The following GABRR3 variants were observed in gnomAD, a reference collection of about 807,000 sequenced individuals.
The protein encoded by GABRR3 is gamma-aminobutyric acid type A receptor subunit rho3.
GABRR3 carries 29 observed loss-of-function variants against 43.2 expected under a neutral mutation model. That is an observed-to-expected ratio of 0.67 (90% CI 0.50 to 0.92). The LOEUF (loss-of-function observed/expected upper bound fraction) is 0.92. GABRR3 is among the 40% of genes least tolerant of loss of function. The pLI is 0.00. For missense variants in GABRR3, 576 were observed against 572.3 expected (o/e 1.01, Z -0.07); for synonymous variants, 206 against 195.9 (o/e 1.05, Z -0.43).
chr3:98,002,572 C>A (rs546114414), intron 7 of GABRR3, among the ~76,000 whole-genome samples: 4 of 152,068 alleles, frequency 2.6e-5, no homozygotes, highest in African/African-American at 9.7e-5. Flanking sequence ...ATACCTTATC[C>A]TTGTTTTTCT....
intron 9 of GABRR3, among the ~76,000 whole-genome samples, chr3:97,990,699 A>G (rs1205385137): frequency 1.3e-5 from 2 of 152,156 alleles, no homozygotes; most frequent in African/African-American, 4.8e-5. Flanking sequence ...CAAAGATATG[A>G]ATGGCAAATA....
chr3:98,035,152 A>C, intron 1 of GABRR3, 38 bp downstream of exon 1: 1 of 776,348 alleles, frequency 1.3e-6, no homozygotes, highest in Non-Finnish European at 1.9e-6. Flanking sequence ...GTTTTAGCAG[A>C]TTAAATTGAC....
At chr3:97,998,825 T>G (rs1213150097) in intron 8 of GABRR3, 1 of 152,200 alleles carries the variant, frequency 6.6e-6, no homozygotes, top group Non-Finnish European at 1.5e-5. Context: ...ATAATTATGC[T>G]TCATACAATG....
intron 8 of GABRR3, 78 bp downstream of exon 8, chr3:98,001,537 C>T (rs1330488550): frequency 6.8e-6 from 10 of 1,470,590 alleles, no homozygotes; most frequent in Non-Finnish European, 8.5e-6. Context: ...CTTTTCCTCT[C>T]CATGTATGAC....
intron 7 of GABRR3, among the ~76,000 whole-genome samples, chr3:98,005,210 A>AAC (rs60490447): frequency 0.19 from 27,508 of 147,872 alleles, 2,751 homozygotes; most frequent in East Asian, 0.44. Flanking sequence ...CTAGGCTTTT[A>AAC]ACACACACAC....
At chr3:98,011,705 A>G (rs1706794175) in intron 5 of GABRR3, among the ~76,000 whole-genome samples, 2 of 152,064 alleles carry the variant, frequency 1.3e-5, no homozygotes, top group East Asian at 3.9e-4. Context: ...ACCCTACTTT[A>G]GAATTTTTCT....
At chr3:98,031,341 A>C (rs1168748832) in intron 2 of GABRR3, among the ~76,000 whole-genome samples, 1 of 152,226 alleles carries the variant, frequency 6.6e-6, no homozygotes, top group Non-Finnish European at 1.5e-5. Flanking sequence ...TTTTTAAAAA[A>C]TGGTTCACGT....
chr3:97,996,921 T>A (rs1706568421), intron 8 of GABRR3, among the ~76,000 whole-genome samples: 1 of 152,182 alleles, frequency 6.6e-6, no homozygotes, highest in African/African-American at 2.4e-5. Context: ...CATTTCCAGT[T>A]AGCAACGAAA....
intron 2 of GABRR3, among the ~76,000 whole-genome samples, chr3:98,030,857 G>T (rs1036157724): frequency 6.6e-6 from 1 of 152,034 alleles, no homozygotes; most frequent in South Asian, 2.1e-4. Flanking sequence ...TTTTTCTTTA[G>T]AAAAATACAA....
intron 8 of GABRR3, among the ~76,000 whole-genome samples, chr3:97,995,479 T>C (rs1383530061): frequency 6.6e-6 from 1 of 152,164 alleles, no homozygotes; most frequent in Non-Finnish European, 1.5e-5. Flanking sequence ...GCGCTATCTA[T>C]ATTTGCCAGA....
In GABRR3 at chr3:98,017,628, A is replaced by T. The variant is rs577042338; in HGVS notation, c.306+27T>A. On this transcript the variant is annotated intron_variant, in intron 4 of 9. Transcript: ENST00000621172. ...GCCGAGTTTCTGTCTTTTCAGAAAA[A>T]GAGCAATATCCCATGAAGAAACTTA... is the stretch of plus-strand genomic sequence containing the variant. 8.4e-5 allele frequency: 131 copies of T among 1,564,108 alleles called. 1 individual carries two copies. The South Asian group carries it at 1.5e-3, about 18-fold the overall frequency.
At chr3:97,997,527 C>T (rs1706577242) in intron 8 of GABRR3, 1 of 151,940 alleles carries the variant, frequency 6.6e-6, no homozygotes, top group Non-Finnish European at 1.5e-5. Context: ...TAAAATAAGG[C>T]AATAATAACA....
intron 7 of GABRR3, among the ~76,000 whole-genome samples, chr3:98,002,935 T>C (rs1378242159): frequency 2.0e-5 from 3 of 152,110 alleles, no homozygotes; most frequent in African/African-American, 7.2e-5. Context: ...GAAATACACC[T>C]GGCCAACCCA....
intron 2 of GABRR3, among the ~76,000 whole-genome samples, chr3:98,028,053 T>G (rs1377885844): frequency 1.3e-5 from 2 of 152,130 alleles, no homozygotes; most frequent in Non-Finnish European, 2.9e-5. Context: ...TTTTTTATTT[T>G]CTATAATAAT....
chr3:97,987,845 T>C (rs1706407720), intron 9 of GABRR3, among the ~76,000 whole-genome samples: 2 of 150,698 alleles, frequency 1.3e-5, no homozygotes, highest in African/African-American at 5.0e-5. Context: ...GGTGTGATTA[T>C]AGCTCACTGC....
intron 5 of GABRR3, among the ~76,000 whole-genome samples, chr3:98,010,584 C>T (rs1706777213): frequency 1.3e-5 from 2 of 152,156 alleles, no homozygotes; most frequent in Admixed American, 1.3e-4. Context: ...TTAGGATATT[C>T]CAAGGGGTTA....
intron 4 of GABRR3, among the ~76,000 whole-genome samples, chr3:98,014,682 A>G (rs1466678337): frequency 6.6e-6 from 1 of 152,234 alleles, no homozygotes; most frequent in Non-Finnish European, 1.5e-5. Flanking sequence ...GTAATGGGTC[A>G]TAGAAGATTT....
At chr3:98,021,680 G>C (rs1392694818) in intron 3 of GABRR3, among the ~76,000 whole-genome samples, 1 of 152,040 alleles carries the variant, frequency 6.6e-6, no homozygotes, top group Non-Finnish European at 1.5e-5. Context: ...TTAAAATATA[G>C]TGAAAATTAA....
chr3:98,023,295 C>T (rs1486499420), intron 3 of GABRR3, among the ~76,000 whole-genome samples: 1 of 152,120 alleles, frequency 6.6e-6, no homozygotes, highest in Non-Finnish European at 1.5e-5. Context: ...AGGATAGGAG[C>T]GAGTTTAACT....
Sources: gnomAD v4.1 joint callset for allele counts (sites outside exome capture counted in the v4.1 genomes callset) on GRCh38, gnomAD v4.1.1 for gene constraint, MANE v1.5 for transcripts, NCBI Gene and HGNC (gene_info 2026-07-23, HGNC 2026-07-21) for gene names.